BEND7: variants seen among roughly 807,000 people sequenced by gnomAD.
The protein encoded by BEND7 is BEN domain containing 7, also known as BEN domain-containing protein 7.
Under a neutral mutation model 50.9 loss-of-function variants are expected in BEND7, and 28 were observed. The observed-to-expected ratio is 0.55, with a 90% CI of 0.41 to 0.75. The LOEUF is 0.75. Ranked by LOEUF, BEND7 falls within the 30% of genes least tolerant of loss-of-function variation. The pLI, the probability that BEND7 is intolerant of heterozygous loss-of-function variation, is 0.00. For missense variants in BEND7, 477 were observed against 491.3 expected (o/e 0.97, Z 0.28); for synonymous variants, 170 against 183.9 (o/e 0.92, Z 0.61).
intron 4 of BEND7, among the ~76,000 whole-genome samples, chr10:13,494,909 T>G (rs2076926808): frequency 6.6e-6 from 1 of 152,208 alleles, no homozygotes; most frequent in African/African-American, 2.4e-5. Flanking sequence ...TGACACAAAT[T>G]TTTAAGTTTA....
chr10:13,479,591 G>C (rs1288425206), intron 6 of BEND7, among the ~76,000 whole-genome samples: 1 of 152,182 alleles, frequency 6.6e-6, no homozygotes, highest in Non-Finnish European at 1.5e-5. Flanking sequence ...TTTGAGAAGG[G>C]ACCCTTCTTC....
In BEND7 at chr10:13,492,911, G is replaced by A. The variant is rs150022978; in HGVS notation, c.572-35C>T. The A allele has an allele frequency of 7.5e-5, 119 of 1,578,630 alleles. 1 individual carries two copies. The African/African-American group carries it at 1.2e-3, about 16-fold the overall frequency. On this transcript the variant is annotated intron_variant, in intron 4 of 8. Transcript: ENST00000466271. The stretch of plus-strand genomic sequence containing the variant: ...ATAAACAAAAATATGGTACAGGCAC[G>A]TGTGTCTGACTTAGGAAAACTTATC...
chr10:13,470,411 G>A lies in BEND7; in HGVS notation c.1063+10488C>T, dbSNP rs1400283007. Reference sequence around the variant, plus strand: ...TCCAGAAACATATCTCTTTTGACAGGAGGCTGTTTTTGTCACCCCTAGTGG... The same window carrying A: ...TCCAGAAACATATCTCTTTTGACAGAAGGCTGTTTTTGTCACCCCTAGTGG... On this transcript the variant is annotated intron_variant, in intron 6 of 8. Coordinates refer to ENST00000466271, the MANE Select transcript of BEND7 (RefSeq NM_001369863.1). Among the ~76,000 whole-genome samples, 3 of 152,048 alleles carry A rather than the reference G, an allele frequency of 2.0e-5. No homozygotes were observed. In the East Asian group the frequency reaches 5.8e-4, roughly 29 times the overall value.
rs199856247 is a variant in BEND7 at position 13,491,925 on chromosome 10, TAGAGAA to T, written c.837+680_837+685del. Among the ~76,000 whole-genome samples the T allele has an allele frequency of 1.0e-3, 154 of 152,104 alleles. 1 individual carries two copies. In the East Asian group the frequency reaches 0.023, roughly 23 times the overall value. On this transcript the variant is annotated intron_variant, in intron 5 of 8. Coordinates refer to ENST00000466271, the MANE Select transcript of BEND7 (RefSeq NM_001369863.1). ...TTAAGGTTCACAACACAAACATACT[TAGAGAA>T]AGACATTGTAAATAGAAATGCAATT...
At chr10:13,470,565 C>A (rs2074711321) in intron 6 of BEND7, among the ~76,000 whole-genome samples, 1 of 152,128 alleles carries the variant, frequency 6.6e-6, no homozygotes, top group Non-Finnish European at 1.5e-5. Context: ...AAAGCCACAC[C>A]CTTCTTAACA....
intron 2 of BEND7, among the ~76,000 whole-genome samples, chr10:13,516,125 C>T (rs1302603124): frequency 1.3e-5 from 2 of 152,182 alleles, no homozygotes; most frequent in African/African-American, 2.4e-5. Flanking sequence ...GTCTACTCTG[C>T]ACCAAGGAAT....
At chr10:13,465,772 C>T (rs1336662729) in intron 6 of BEND7, among the ~76,000 whole-genome samples, 1 of 152,066 alleles carries the variant, frequency 6.6e-6, no homozygotes, top group Non-Finnish European at 1.5e-5. Flanking sequence ...AATCTACGTC[C>T]CACAGTGCTC....
intron 8 of BEND7, 47 bp from the exon 9 acceptor site, chr10:13,441,797 G>A: frequency 6.4e-7 from 1 of 1,569,116 alleles, no homozygotes; most frequent in South Asian, 1.1e-5. Flanking sequence ...TTACTTACTG[G>A]CCAGAAATGG....
At chr10:13,527,403 G>A (rs1054409453) in intron 1 of BEND7, among the ~76,000 whole-genome samples, 21 of 152,212 alleles carry the variant, frequency 1.4e-4, no homozygotes, top group Admixed American at 6.5e-5. Flanking sequence ...ATCTTAGCTA[G>A]CTTAGCTCAG....
At chr10:13,479,819 C>T (rs1315189875) in intron 6 of BEND7, among the ~76,000 whole-genome samples, 2 of 152,214 alleles carry the variant, frequency 1.3e-5, no homozygotes, top group Non-Finnish European at 2.9e-5. Context: ...GTCCTTCTGG[C>T]CATGAACAAA....
chr10:13,447,913 G>A (rs901464043), intron 7 of BEND7, among the ~76,000 whole-genome samples: 2 of 152,056 alleles, frequency 1.3e-5, no homozygotes, highest in African/African-American at 2.4e-5. Context: ...TAGGGTCATC[G>A]CGGGGATGTG....
At chr10:13,469,414 C>CA (rs1564288510) in intron 6 of BEND7, among the ~76,000 whole-genome samples, 2 of 152,160 alleles carry the variant, frequency 1.3e-5, no homozygotes, top group African/African-American at 4.8e-5. Context: ...TGCTCTTATA[C>CA]AAAAATGTCT....
intron 1 of BEND7, among the ~76,000 whole-genome samples, chr10:13,526,505 C>A (rs899023938): frequency 6.6e-6 from 1 of 152,080 alleles, no homozygotes; most frequent in Non-Finnish European, 1.5e-5. Flanking sequence ...AATTTTTAGG[C>A]TTTTTTTCTT....
In BEND7 at chr10:13,441,656, T is replaced by C. The variant is rs944337668; in HGVS notation, c.*87A>G. 3 of 1,602,922 alleles carry C rather than the reference T, an allele frequency of 1.9e-6. No individual in the cohort carries two copies. In the African/African-American group the frequency reaches 4.0e-5, roughly 22 times the overall value. On this transcript the variant is annotated 3_prime_UTR_variant, in exon 9 of 9. Coordinates refer to ENST00000466271, the MANE Select transcript of BEND7 (RefSeq NM_001369863.1). ...CACCAATTAATCTTCTCCCTTCCCT[T>C]GGGTAGTAGCTCCTTGTGGGAGGCA... is the stretch of plus-strand genomic sequence containing the variant.
intron 6 of BEND7, among the ~76,000 whole-genome samples, chr10:13,467,104 CA>C (rs1428268967): frequency 9.9e-5 from 15 of 152,200 alleles, no homozygotes; most frequent in African/African-American, 3.6e-4. Context: ...GCCCATGCCT[CA>C]GAGGTAGGAT....
intron 2 of BEND7, among the ~76,000 whole-genome samples, chr10:13,522,767 T>C (rs776480549): frequency 3.7e-4 from 56 of 152,158 alleles, no homozygotes; most frequent in Non-Finnish European, 7.6e-4. Context: ...GACAGGCGGT[T>C]AAGTGGAGTG....
At chr10:13,524,856 A>G (rs531012597) in intron 2 of BEND7, among the ~76,000 whole-genome samples, 1 of 152,222 alleles carries the variant, frequency 6.6e-6, no homozygotes, top group Admixed American at 6.5e-5. Context: ...TGTGCTATCA[A>G]TGATCGCTCA....
At chr10:13,526,838 AAG>A (rs2079481070) in intron 1 of BEND7, among the ~76,000 whole-genome samples, 1 of 152,240 alleles carries the variant, frequency 6.6e-6, no homozygotes, top group Non-Finnish European at 1.5e-5. Flanking sequence ...CCTGCAGAGA[AAG>A]AGAAGAATCA....
chr10:13,478,128 T>C (rs1378731202), intron 6 of BEND7, among the ~76,000 whole-genome samples: 1 of 151,966 alleles, frequency 6.6e-6, no homozygotes. Context: ...TTTTGGGGAA[T>C]GATGAATGGG....
Sources: allele counts gnomAD v4.1 joint callset (sites outside exome capture counted in the v4.1 genomes callset), GRCh38; gene constraint gnomAD v4.1.1; transcripts MANE v1.5; gene names NCBI Gene and HGNC (gene_info 2026-07-23, HGNC 2026-07-21).